Variants in LPIN3 observed in about 807,000 individuals in gnomAD.
LPIN3 encodes lipin 3, also known as phosphatidate phosphatase LPIN3.
LPIN3 carries 82 observed loss-of-function variants against 94.7 expected under a neutral mutation model. The observed-to-expected ratio is 0.87, with a 90% confidence interval of 0.72 to 1.04. The LOEUF is 1.04. LPIN3 is among the 50% of genes least tolerant of loss of function. LPIN3 has a pLI of 0.00. For synonymous variants in LPIN3, 418 were observed against 443.3 expected (o/e 0.94, Z 0.72); for missense variants, 996 against 1,090.5 (o/e 0.91, Z 1.22).
intron 1 of LPIN3, among the ~76,000 whole-genome samples, chr20:41,342,784 G>A (rs889625793): frequency 3.2e-4 from 49 of 152,174 alleles, no homozygotes; most frequent in South Asian, 6.2e-4. Flanking sequence ...GAAGTGGGGG[G>A]AACAGAGAGA....
chr20:41,348,522 C>G, intron 3 of LPIN3, 97 bp from the exon 4 acceptor site: 2 of 1,500,196 alleles, frequency 1.3e-6, no homozygotes, highest in Non-Finnish European at 1.8e-6. Flanking sequence ...TGAGCTCACT[C>G]CAGGGCTGGG....
At chr20:41,352,751 A>G in intron 10 of LPIN3, 47 bp from the exon 11 acceptor site, 1 of 1,613,238 alleles carries the variant, frequency 6.2e-7, no homozygotes. Context: ...TTCCCTCTTC[A>G]CAACCCTGCA....
chr20:41,351,637 G>A (rs2046018286), intron 7 of LPIN3, among the ~76,000 whole-genome samples, 184 bp from the exon 8 acceptor site: 1 of 152,142 alleles, frequency 6.6e-6, no homozygotes, highest in Admixed American at 6.5e-5. Context: ...CATTTTAAGT[G>A]TGCTCAATAG....
chr20:41,351,749 G>A (rs1263739093), intron 7 of LPIN3, 72 bp from the exon 8 acceptor site: 2 of 1,395,744 alleles, frequency 1.4e-6, no homozygotes, highest in Non-Finnish European at 2.0e-6. Context: ...AGAATTCAGA[G>A]TCAGAGGGCA....
intron 7 of LPIN3, among the ~76,000 whole-genome samples, chr20:41,350,975 G>A (rs1379422792): frequency 1.3e-5 from 2 of 152,102 alleles, no homozygotes; most frequent in Non-Finnish European, 2.9e-5. Context: ...GGACAGCATG[G>A]TGGCTCATGC....
chr20:41,352,357 C>T, intron 9 of LPIN3, 137 bp downstream of exon 9: 3 of 1,035,930 alleles, frequency 2.9e-6, no homozygotes, highest in South Asian at 3.0e-5. Context: ...CTGTGCAGTC[C>T]ACACTCCGCC....
intron 1 of LPIN3, among the ~76,000 whole-genome samples, chr20:41,342,877 A>G (rs1026687438): frequency 3.3e-5 from 5 of 152,274 alleles, no homozygotes; most frequent in African/African-American, 1.2e-4. Flanking sequence ...AGAAGGGGAA[A>G]CTGAGGCCAG....
chr20:41,345,715 G>A (rs1600710298), intron 1 of LPIN3, 81 bp from the exon 2 acceptor site: 1 of 1,413,272 alleles, frequency 7.1e-7, no homozygotes, highest in South Asian at 1.3e-5. Context: ...AAACTTGGGG[G>A]TCTGTGTGGT....
At chr20:41,348,529 T>C in intron 3 of LPIN3, 90 bp from the exon 4 acceptor site, 1 of 1,512,790 alleles carries the variant, frequency 6.6e-7, no homozygotes, top group South Asian at 1.3e-5. Flanking sequence ...ACTCCAGGGC[T>C]GGGACCCAGG....
intron 19 of LPIN3, 22 bp downstream of exon 19, chr20:41,358,564 T>TTCCC: frequency 6.2e-7 from 1 of 1,612,714 alleles, no homozygotes; most frequent in Non-Finnish European, 8.5e-7. Context: ...CCCTGCCATG[T>TTCCC]TCCCCATGCC....
rs142264713 is a variant in LPIN3, at chr20:41,357,989, G to T, written c.2147G>T (p.Gly716Val). 34 of 1,612,144 alleles carry T rather than the reference G, an allele frequency of 2.1e-5. No homozygotes were observed. The highest frequency in any genetic ancestry group is 2.9e-5 in the Non-Finnish European group (34 of 1,179,228). Residue 716 changes from glycine to valine, a missense_variant, in exon 17 of 20, where the codon GGC becomes GTC. By Grantham distance (109) the Gly-to-Val change is moderately radical. Coordinates refer to ENST00000373257, the MANE Select transcript of LPIN3 (RefSeq NM_022896.3). The stretch of plus-strand genomic sequence containing the variant: ...GAGGGGGGCTGTAGCCTCCCCAAGG[G>T]CCCCATCCTTCTGTCTCCCAGCAGC... ...VSEGGCSLPK[G>V]PILLSPSSLF...
chr20:41,349,712 T>G, intron 5 of LPIN3, 62 bp from the exon 6 acceptor site: 1 of 1,557,322 alleles, frequency 6.4e-7, no homozygotes, highest in Non-Finnish European at 8.7e-7. Flanking sequence ...TTTCCCTGGC[T>G]GGGGTGGGCA....
intron 1 of LPIN3, among the ~76,000 whole-genome samples, chr20:41,344,866 C>G (rs2045712482): frequency 6.6e-6 from 1 of 152,164 alleles, no homozygotes; most frequent in African/African-American, 2.4e-5. Context: ...AGAACTATAG[C>G]CTGGACACCG....
chr20:41,354,914 GC>G, intron 13 of LPIN3, 51 bp downstream of exon 13: 1 of 1,535,672 alleles, frequency 6.5e-7, no homozygotes, highest in Non-Finnish European at 8.8e-7. Context: ...GGGAAAGATG[GC>G]CCTGGGTGCA....
At chr20:41,356,956 G>A in intron 14 of LPIN3, 84 bp from the exon 15 acceptor site, 1 of 1,514,628 alleles carries the variant, frequency 6.6e-7, no homozygotes. Flanking sequence ...GGCCCGAGGG[G>A]ATCGGAGGCC....
At position 41,351,894 on chromosome 20, in the gene LPIN3, G is replaced by C. The variant is rs1364234771; in HGVS notation, c.1176G>C (p.Glu392Asp). ...ATGACTTGCCCTCCCTGGACTCTGAGAATGCAGCGCTTTACTTCCCCCAAA... is the reference window on the plus strand; with the variant it reads ...ATGACTTGCCCTCCCTGGACTCTGACAATGCAGCGCTTTACTTCCCCCAAA... ...YLDDLPSLDS[E>D]NAALYFPQSD... Residue 392 changes from glutamate (E) to aspartate (D), a missense_variant, in exon 8 of 20, where the codon GAG becomes GAC. Transcript: ENST00000373257. 1 of 1,614,250 alleles carries C rather than the reference G, an allele frequency of 6.2e-7. No individual in the cohort carries two copies. Among genetic ancestry groups the C allele is most frequent in the Non-Finnish European group, 8.5e-7 (1 of 1,180,050 alleles).
At chr20:41,358,116 G>C in intron 17 of LPIN3, 82 bp downstream of exon 17, 1 of 1,579,854 alleles carries the variant, frequency 6.3e-7, no homozygotes, top group Non-Finnish European at 8.6e-7. Flanking sequence ...TAGCAGGCTG[G>C]CATTAAGCTC....
chr20:41,356,894 C>T, intron 14 of LPIN3, 146 bp from the exon 15 acceptor site: 2 of 981,150 alleles, frequency 2.0e-6, no homozygotes, highest in Middle Eastern at 2.3e-4. Context: ...GCATGGCTAT[C>T]TCTGATGAAT....
chr20:41,345,631 C>T (rs2045740764), intron 1 of LPIN3, among the ~76,000 whole-genome samples, 165 bp from the exon 2 acceptor site: 1 of 152,240 alleles, frequency 6.6e-6, no homozygotes, highest in South Asian at 2.1e-4. Flanking sequence ...GTTAGACCCA[C>T]ATCTACAGGT....
Sources: gnomAD v4.1 joint callset for allele counts (sites outside exome capture counted in the v4.1 genomes callset) on GRCh38, gnomAD v4.1.1 for gene constraint, MANE v1.5 for transcripts, NCBI Gene and HGNC (gene_info 2026-07-23, HGNC 2026-07-21) for gene names.